The following QPCT variants were observed in gnomAD, a reference collection of about 807,000 sequenced individuals.
QPCT encodes the protein EC.
Under a neutral mutation model 43.4 loss-of-function variants are expected in QPCT, and 44 were observed. The ratio of observed to expected loss-of-function variants is 1.01; its 90% confidence interval spans 0.80 to 1.30. QPCT has a LOEUF of 1.30. Ranked by LOEUF, QPCT falls within the 50% of genes most tolerant of loss-of-function variation. The probability of loss-of-function intolerance (pLI) is 0.00; values close to 1 mark genes in which losing one functional copy is unlikely to be tolerated. For missense variants in QPCT, 526 were observed against 436.5 expected, an observed-to-expected ratio of 1.21 and a Z score of -1.83; for synonymous variants, 168 against 168.4, an observed-to-expected ratio of 1.00 and a Z score of 0.02.
At chr2:37,354,856 G>T (rs1672708467) in intron 2 of QPCT, among the ~76,000 whole-genome samples, 1 of 151,898 alleles carries the variant, frequency 6.6e-6, no homozygotes, top group East Asian at 1.9e-4. Flanking sequence ...TGCCCAGAGC[G>T]CTGTATATAA....
chr2:37,345,730 G>T (rs1006590834), intron 1 of QPCT, among the ~76,000 whole-genome samples: 1 of 152,018 alleles, frequency 6.6e-6, no homozygotes, highest in African/African-American at 2.4e-5. Context: ...CAGCTACTCG[G>T]GAGGCTGAGG....
rs369809407 is a variant in QPCT at position 37,359,665 on chromosome 2, G to A, written c.353G>A (p.Arg118Gln). ...TTGAGTCAGACACCCTATGGGTACCGGTCTTTCTCAAATATCATCAGCACC... is the reference window on the plus strand; with the variant it reads ...TTGAGTCAGACACCCTATGGGTACCAGTCTTTCTCAAATATCATCAGCACC... ...TFLSQTPYGY[R>Q]SFSNIISTLN... Residue 118 changes from arginine (R) to glutamine (Q), a missense_variant, in exon 3 of 7, where the codon CGG becomes CAG. Coordinates refer to ENST00000338415, the MANE Select transcript of QPCT (RefSeq NM_012413.4). The A allele has an allele frequency of 1.2e-5, 20 of 1,613,854 alleles. No homozygotes were observed. The highest frequency in any genetic ancestry group is 1.0e-4 in the Admixed American group (6 of 59,986).
chr2:37,367,827 C>G (rs113403507), intron 4 of QPCT, among the ~76,000 whole-genome samples: 1,654 of 152,150 alleles, frequency 0.011, 29 homozygotes, highest in African/African-American at 0.038. Flanking sequence ...TATGATTGCT[C>G]CATTGCACTC....
chr2:37,356,411 T>C lies in QPCT; in HGVS notation c.268-3169T>C, dbSNP rs144414202. 2.5e-3 allele frequency among the ~76,000 whole-genome samples: 381 copies of C among 152,320 alleles called. 1 individual carries two copies. The highest frequency in any genetic ancestry group is 1.8e-3 in the Non-Finnish European group (124 of 68,032). ...GCAACCCAAAGTGTGATCTATATTC[T>C]AAATTGCCTTTCGGCACTCCTGGAG... On this transcript the variant is annotated intron_variant, in intron 2 of 6. Coordinates refer to ENST00000338415, the MANE Select transcript of QPCT (RefSeq NM_012413.4).
intron 3 of QPCT, among the ~76,000 whole-genome samples, chr2:37,365,673 G>T (rs1361762571): frequency 6.6e-6 from 1 of 152,202 alleles, no homozygotes; most frequent in East Asian, 1.9e-4. Flanking sequence ...ATTTGCTAGA[G>T]CAATGTCCTT....
At chr2:37,350,236 A>G (rs1672591387) in intron 1 of QPCT, among the ~76,000 whole-genome samples, 1 of 152,190 alleles carries the variant, frequency 6.6e-6, no homozygotes, top group African/African-American at 2.4e-5. Context: ...GAGTGACCGA[A>G]GCATGGTGAG....
chr2:37,367,875 A>G (rs1026236466), intron 4 of QPCT, among the ~76,000 whole-genome samples: 3 of 152,174 alleles, frequency 2.0e-5, no homozygotes, highest in Admixed American at 2.0e-4. Context: ...TTAAAAAAGA[A>G]AGAAAGAAAG....
intron 1 of QPCT, among the ~76,000 whole-genome samples, chr2:37,349,734 C>G (rs1672579951): frequency 6.6e-6 from 1 of 152,170 alleles, no homozygotes; most frequent in Non-Finnish European, 1.5e-5. Flanking sequence ...TAACATTGAA[C>G]CACAGCACTT....
rs750651030 is a variant in QPCT, at chr2:37,359,640, T to G, written c.328T>G (p.Leu110Val). Reference sequence around the variant, plus strand: ...CTGGGTCTTGGAAATAGACACCTTCTTGAGTCAGACACCCTATGGGTACCG... The same window carrying G: ...CTGGGTCTTGGAAATAGACACCTTCGTGAGTCAGACACCCTATGGGTACCG... ...ADWVLEIDTF[L>V]SQTPYGYRSF... The change falls in exon 3 of 7, where the codon TTG becomes GTG. Residue 110 changes from leucine (L) to valine (V), a missense_variant. By Grantham distance (32) the Leu-to-Val change is conservative. Transcript: ENST00000338415. 6.2e-7 allele frequency: 1 copy of G among 1,614,152 alleles called. No individual in the cohort carries two copies. Among genetic ancestry groups the G allele is most frequent in the African/African-American group, 1.3e-5 (1 of 75,048 alleles).
intron 1 of QPCT, among the ~76,000 whole-genome samples, chr2:37,346,421 G>T (rs574978916): frequency 6.6e-6 from 1 of 152,296 alleles, no homozygotes; most frequent in South Asian, 2.1e-4. Flanking sequence ...CTGGAATATG[G>T]AGCCACACCA....
chr2:37,348,275 A>G (rs986228579), intron 1 of QPCT, among the ~76,000 whole-genome samples: 1 of 152,182 alleles, frequency 6.6e-6, no homozygotes, highest in Admixed American at 6.5e-5. Flanking sequence ...AGTCACAGCT[A>G]ATAAGCGAGG....
At chr2:37,365,180 A>G (rs970405087) in intron 3 of QPCT, among the ~76,000 whole-genome samples, 9 of 152,178 alleles carry the variant, frequency 5.9e-5, no homozygotes, top group African/African-American at 1.9e-4. Context: ...TGGACAGAGA[A>G]GAGAAGAGAA....
intron 1 of QPCT, among the ~76,000 whole-genome samples, chr2:37,347,191 TAACA>T (rs1672516735): frequency 1.2e-5 from 1 of 86,144 alleles, no homozygotes; most frequent in African/African-American, 5.1e-5. Flanking sequence ...CATATATATA[TAACA>T]TATATATATA....
Position 37,367,321 on chromosome 2 carries a change from T to TCC in QPCT, c.637_638insCC (p.Leu213ProfsTer8), listed in dbSNP as rs761752094. 5 of 1,614,078 alleles carry TCC rather than the reference T, an allele frequency of 3.1e-6. No homozygotes were observed. In the South Asian group the frequency reaches 5.5e-5, roughly 18 times the overall value. On this transcript the variant is annotated frameshift_variant, in exon 4 of 7. Transcript: ENST00000338415. LOFTEE classifies it high-confidence loss of function. Reference sequence around the variant, plus strand: ...TTCTTCACTGGTCTCCTCAAGATTCTCTCTATGGGTCTCGACACTTAGCTG... The same window carrying TCC: ...TTCTTCACTGGTCTCCTCAAGATTCTCCCTCTATGGGTCTCGACACTTAGCTG...
intron 5 of QPCT, among the ~76,000 whole-genome samples, chr2:37,370,536 T>C (rs990625894): frequency 3.3e-5 from 5 of 152,234 alleles, no homozygotes; most frequent in Non-Finnish European, 5.9e-5. Flanking sequence ...GTTTTTCTTT[T>C]CCATCTCTGT....
intron 1 of QPCT, among the ~76,000 whole-genome samples, chr2:37,345,279 C>G (rs1182092597): frequency 2.7e-5 from 4 of 149,744 alleles, no homozygotes; most frequent in South Asian, 4.2e-4. Context: ...CACAGCCCCC[C>G]CGCTGCTTCA....
At chr2:37,367,178 AT>A (rs1672979939) in intron 3 of QPCT, 53 bp from the exon 4 acceptor site, 2 of 1,512,586 alleles carry the variant, frequency 1.3e-6, no homozygotes, top group African/African-American at 1.4e-5. Flanking sequence ...AAATCATGCT[AT>A]TTTTCATCAT....
intron 1 of QPCT, among the ~76,000 whole-genome samples, chr2:37,346,519 G>A (rs1196471349): frequency 6.6e-6 from 1 of 152,222 alleles, no homozygotes; most frequent in East Asian, 1.9e-4. Context: ...TTGTAGGTGT[G>A]TGTAGGCAGG....
In QPCT at chr2:37,359,561, G is replaced by GT. The variant is rs755641050; in HGVS notation, c.268-12dup. 3.3e-5 allele frequency: 52 copies of GT among 1,577,562 alleles called. No individual in the cohort carries two copies. Among genetic ancestry groups the GT allele is most frequent in the Non-Finnish European group, 4.2e-5 (49 of 1,161,938 alleles). On this transcript the variant is annotated intron_variant, in intron 2 of 6. Transcript: ENST00000338415. ...CCATTTCTTTAGATCTAAATTTTTT[G>GT]TTTTTTTGTTTTGATCAGCACATCA...
Sources: gnomAD v4.1 joint callset for allele counts (sites outside exome capture counted in the v4.1 genomes callset) on GRCh38, gnomAD v4.1.1 for gene constraint, MANE v1.5 for transcripts, NCBI Gene and HGNC (gene_info 2026-07-23, HGNC 2026-07-21) for gene names.